The following MTA3 variants were observed in gnomAD, a reference collection of about 807,000 sequenced individuals.
The protein encoded by MTA3 is metastasis-associated protein MTA3.
MTA3 carries 34 observed loss-of-function variants against 83.5 expected under a neutral mutation model. The ratio of observed to expected loss-of-function variants is 0.41; its 90% CI spans 0.31 to 0.54. The LOEUF is 0.54. MTA3 is among the 20% of genes least tolerant of loss of function. The pLI is 0.33. For missense variants in MTA3, 761 were observed against 726.4 expected (o/e 1.05, Z -0.55); for synonymous variants, 303 against 252.7 (o/e 1.20, Z -1.89).
At chr2:42,518,957 C>G (rs1161898726) in intron 2 of MTA3, among the ~76,000 whole-genome samples, 1 of 143,956 alleles carries the variant, frequency 6.9e-6, no homozygotes, top group Non-Finnish European at 1.5e-5. Context: ...CAGAGTGAGA[C>G]CCTTTCTCAA....
chr2:42,673,021 ATTT>A (rs1438044324), intron 8 of MTA3, among the ~76,000 whole-genome samples: 9 of 151,688 alleles, frequency 5.9e-5, no homozygotes, highest in Middle Eastern at 6.8e-3. Context: ...TAATTTTTGT[ATTT>A]TTAGTAGAGA....
At chr2:42,553,388 C>T (rs1677214957) in intron 2 of MTA3, among the ~76,000 whole-genome samples, 1 of 138,844 alleles carries the variant, frequency 7.2e-6, no homozygotes, top group Non-Finnish European at 1.5e-5. Flanking sequence ...TGCGCCACTG[C>T]ACTCCAGCCT....
chr2:42,682,143 GGCT>G (rs1004519355), intron 8 of MTA3, among the ~76,000 whole-genome samples: 1 of 152,082 alleles, frequency 6.6e-6, no homozygotes, highest in Admixed American at 6.5e-5. Flanking sequence ...AGAAGGTTGA[GGCT>G]GCTGCTGCAC....
At chr2:42,558,175 C>G (rs1409318306) in intron 2 of MTA3, among the ~76,000 whole-genome samples, 1 of 151,860 alleles carries the variant, frequency 6.6e-6, no homozygotes, top group Non-Finnish European at 1.5e-5. Context: ...CTTTATGGCT[C>G]TCCTCCTGAT....
chr2:42,563,648 AGTGGATATG>A (rs1677764693), upstream of MTA3, among the ~76,000 whole-genome samples: 1 of 151,532 alleles, frequency 6.6e-6, no homozygotes, highest in Non-Finnish European at 1.5e-5. Flanking sequence ...TTGTATTTTT[AGTGGATATG>A]GGATTTCGCC....
intron 6 of MTA3, among the ~76,000 whole-genome samples, chr2:42,650,177 C>G (rs548631824): frequency 3.3e-5 from 5 of 152,248 alleles, no homozygotes; most frequent in Non-Finnish European, 7.4e-5. Flanking sequence ...AATTTTCAGC[C>G]ATAGGGCAAT....
intron 8 of MTA3, among the ~76,000 whole-genome samples, chr2:42,669,786 G>A (rs1690630125): frequency 6.6e-6 from 1 of 151,576 alleles, no homozygotes; most frequent in Admixed American, 6.6e-5. Flanking sequence ...TTCTTTTTTG[G>A]GGTAAATACA....
intron 2 of MTA3, among the ~76,000 whole-genome samples, chr2:42,521,060 A>G (rs1675406677): frequency 6.6e-6 from 1 of 152,006 alleles, no homozygotes; most frequent in African/African-American, 2.4e-5. Context: ...TTGTGTAATC[A>G]CCTCCCCTTG....
chr2:42,563,721 C>G (rs979647611), upstream of MTA3, among the ~76,000 whole-genome samples: 5 of 152,132 alleles, frequency 3.3e-5, no homozygotes, highest in African/African-American at 1.2e-4. Context: ...CCACCTCGGC[C>G]TCCCAAAGTG....
At chr2:42,628,211 T>TTTATTTATTTAC (rs1222938304) in intron 4 of MTA3, among the ~76,000 whole-genome samples, 9 of 76,446 alleles carry the variant, frequency 1.2e-4, no homozygotes, top group African/African-American at 3.6e-4. Flanking sequence ...TATCGTTTTA[T>TTTATTTATTTAC]TTATTTATTT....
intron 16 of MTA3, among the ~76,000 whole-genome samples, chr2:42,733,012 A>G (rs1413652311): frequency 1.3e-5 from 2 of 152,074 alleles, no homozygotes; most frequent in Non-Finnish European, 2.9e-5. Context: ...ACTTTCCCAC[A>G]TTTTCCTGAC....
chr2:42,704,399 G>T, intron 12 of MTA3, 81 bp downstream of exon 12: 1 of 1,556,080 alleles, frequency 6.4e-7, no homozygotes, highest in Non-Finnish European at 8.8e-7. Context: ...AGTGCCTGAG[G>T]TCAGTACGGT....
intron 3 of MTA3, among the ~76,000 whole-genome samples, chr2:42,594,235 G>A (rs1681401261): frequency 7.8e-6 from 1 of 127,562 alleles, no homozygotes; most frequent in Non-Finnish European, 1.6e-5. Flanking sequence ...GGAGCCATGC[G>A]CCAGGCCCCT....
intron 14 of MTA3, among the ~76,000 whole-genome samples, chr2:42,715,040 A>G (rs1331280731): frequency 6.6e-6 from 1 of 151,506 alleles, no homozygotes; most frequent in Non-Finnish European, 1.5e-5. Context: ...TGAGATATAG[A>G]TGTTCTCTCT....
chr2:42,663,774 G>A (rs1689957129), intron 8 of MTA3, among the ~76,000 whole-genome samples: 3 of 152,112 alleles, frequency 2.0e-5, no homozygotes. Context: ...CATTTTCTGT[G>A]TAGTTTCTGT....
At chr2:42,735,978 G>T (rs753863493) in intron 16 of MTA3, among the ~76,000 whole-genome samples, 9 of 152,166 alleles carry the variant, frequency 5.9e-5, no homozygotes, top group Non-Finnish European at 7.4e-5. Flanking sequence ...TGTTTTCATG[G>T]ATGGTCTTGA....
chr2:42,718,094 CTT>C (rs11351833), intron 14 of MTA3, among the ~76,000 whole-genome samples: 3,646 of 116,214 alleles, frequency 0.031, 256 homozygotes, highest in Admixed American at 0.2. Context: ...ACTCTGGTAC[CTT>C]TTTTTTTTTT....
At chr2:42,548,846 A>ATATATATATAATATATATATATATAAT in intron 2 of MTA3, among the ~76,000 whole-genome samples, 1 of 15,064 alleles carries the variant, frequency 6.6e-5, no homozygotes, top group African/African-American at 2.6e-4. Context: ...ATATATATAT[A>ATATATATATAATATATATATATATAAT]ATATATATAT....
At chr2:42,737,111 C>T (rs578152841) in intron 16 of MTA3, among the ~76,000 whole-genome samples, 1 of 152,324 alleles carries the variant, frequency 6.6e-6, no homozygotes, top group Non-Finnish European at 1.5e-5. Flanking sequence ...GTGGTGTAAG[C>T]ATTCCCTTAG....
Sources: allele counts gnomAD v4.1 joint callset (sites outside exome capture counted in the v4.1 genomes callset), GRCh38; gene constraint gnomAD v4.1.1; transcripts MANE v1.5; gene names NCBI Gene and HGNC (gene_info 2026-07-23, HGNC 2026-07-21).